Variants in RPS6KC1 observed in about 807,000 individuals in gnomAD.
RPS6KC1 encodes the protein ribosomal protein S6 kinase C1, also known as inactive ribosomal protein S6 kinase delta-1.
In RPS6KC1, 54 loss-of-function variants were observed where a neutral mutation model predicts 103.8. The ratio of observed to expected loss-of-function variants is 0.52; its 90% CI spans 0.42 to 0.65. The LOEUF is 0.65. Ranked by LOEUF, RPS6KC1 falls within the 30% of genes least tolerant of loss-of-function variation. The pLI, the probability that RPS6KC1 is intolerant of heterozygous loss-of-function variation, is 0.00. For synonymous variants in RPS6KC1, 439 were observed against 438.7 expected (o/e 1.00, Z -0.01); for missense variants, 1,151 against 1,253.8 (o/e 0.92, Z 1.24).
At chr1:213,231,339 A>T (rs74139158) in intron 9 of RPS6KC1, among the ~76,000 whole-genome samples, 1 of 152,192 alleles carries the variant, frequency 6.6e-6, no homozygotes, top group Non-Finnish European at 1.5e-5. Flanking sequence ...TTTTGATTCT[A>T]TACATAATGC....
At chr1:213,431,905 G>T in the RPS6KC1 span, among the ~76,000 whole-genome samples, 1 of 152,076 alleles carries the variant, frequency 6.6e-6, no homozygotes, top group African/African-American at 2.4e-5. Flanking sequence ...CAGAGTGGTT[G>T]TACCAGTTGA....
the RPS6KC1 span, among the ~76,000 whole-genome samples, chr1:213,449,062 G>A: frequency 5.3e-5 from 8 of 152,016 alleles, no homozygotes; most frequent in Non-Finnish European, 1.0e-4. Context: ...TCTCTGTGAG[G>A]CTTTCCTCAC....
chr1:213,588,905 G>T, the RPS6KC1 span, among the ~76,000 whole-genome samples: 38 of 152,324 alleles, frequency 2.5e-4, no homozygotes, highest in Non-Finnish European at 5.9e-5. Context: ...ACATCTCAGA[G>T]CAGGCACCCA....
the RPS6KC1 span, among the ~76,000 whole-genome samples, chr1:213,392,620 AT>A: frequency 6.6e-6 from 1 of 152,202 alleles, no homozygotes; most frequent in Non-Finnish European, 1.5e-5. Flanking sequence ...GCCACATCTT[AT>A]GCATCTTTGT....
At chr1:213,313,883 G>A in the RPS6KC1 span, among the ~76,000 whole-genome samples, 3 of 152,126 alleles carry the variant, frequency 2.0e-5, no homozygotes, top group Non-Finnish European at 4.4e-5. Flanking sequence ...AACCTGGGAG[G>A]CGGAGCTTGC....
the RPS6KC1 span, among the ~76,000 whole-genome samples, chr1:213,807,781 A>G: frequency 0.076 from 11,572 of 152,232 alleles, 1,379 homozygotes; most frequent in African/African-American, 0.26. Flanking sequence ...CATCTCATCA[A>G]AGTCATTCTC....
chr1:213,615,408 C>A, the RPS6KC1 span, among the ~76,000 whole-genome samples: 2 of 152,378 alleles, frequency 1.3e-5, no homozygotes, highest in Admixed American at 1.3e-4. Context: ...TGCCTGCAAT[C>A]TGCTACCTTT....
intron 8 of RPS6KC1, among the ~76,000 whole-genome samples, chr1:213,226,037 C>T (rs2093953154): frequency 6.6e-6 from 1 of 151,650 alleles, no homozygotes; most frequent in South Asian, 2.1e-4. Context: ...TCCTGGCTAA[C>T]ACGGTGAAAC....
the RPS6KC1 span, among the ~76,000 whole-genome samples, chr1:213,298,308 A>G: frequency 9.2e-5 from 14 of 152,254 alleles, no homozygotes; most frequent in Non-Finnish European, 1.5e-4. Context: ...CATTTAAACT[A>G]TAACTATTTT....
chr1:213,260,576 G>C (rs78272473), intron 12 of RPS6KC1, among the ~76,000 whole-genome samples: 1,590 of 151,822 alleles, frequency 0.01, 30 homozygotes, highest in African/African-American at 0.036. Flanking sequence ...TACTTTCCAA[G>C]TTCCAACCTA....
chr1:213,563,874 C>A, the RPS6KC1 span, among the ~76,000 whole-genome samples: 1 of 150,840 alleles, frequency 6.6e-6, no homozygotes, highest in Non-Finnish European at 1.5e-5. Flanking sequence ...TATAATTATT[C>A]ATACTGTAAT....
chr1:213,120,973 G>T (rs760749221), intron 5 of RPS6KC1, among the ~76,000 whole-genome samples: 1 of 152,174 alleles, frequency 6.6e-6, no homozygotes, highest in Admixed American at 6.6e-5. Context: ...TTTGTTTTGT[G>T]ATAGGGTCTC....
the RPS6KC1 span, among the ~76,000 whole-genome samples, chr1:213,299,626 A>G: frequency 6.6e-6 from 1 of 151,744 alleles, no homozygotes; most frequent in African/African-American, 2.4e-5. Context: ...CATTAAAAAT[A>G]TAAAAAGAAA....
chr1:213,653,992 C>T, the RPS6KC1 span, among the ~76,000 whole-genome samples: 1 of 152,330 alleles, frequency 6.6e-6, no homozygotes, highest in South Asian at 2.1e-4. Context: ...TTCACTGGCA[C>T]TGATTTTACA....
downstream of RPS6KC1, among the ~76,000 whole-genome samples, chr1:213,279,232 AT>A (rs1229546604): frequency 1.3e-5 from 2 of 152,302 alleles, no homozygotes; most frequent in East Asian, 3.9e-4. Context: ...TATTGCAGAA[AT>A]TCAGGCAAGA....
chr1:213,151,777 G>C (rs1187605023), intron 6 of RPS6KC1, among the ~76,000 whole-genome samples: 1 of 134,100 alleles, frequency 7.5e-6, no homozygotes, highest in Non-Finnish European at 1.6e-5. Flanking sequence ...GCCTGGCGGG[G>C]GGCTGACCCC....
the RPS6KC1 span, among the ~76,000 whole-genome samples, chr1:213,305,071 A>G: frequency 2.0e-5 from 3 of 152,048 alleles, no homozygotes; most frequent in African/African-American, 7.2e-5. Context: ...TGTCTTTGGG[A>G]AACAGTCTGA....
the RPS6KC1 span, among the ~76,000 whole-genome samples, chr1:213,455,901 G>C: frequency 1.3e-5 from 2 of 152,168 alleles, no homozygotes; most frequent in Non-Finnish European, 2.9e-5. Context: ...ACACTCCACT[G>C]CTTGAACATA....
At chr1:213,531,758 G>C in the RPS6KC1 span, among the ~76,000 whole-genome samples, 1 of 152,194 alleles carries the variant, frequency 6.6e-6, no homozygotes, top group South Asian at 2.1e-4. Context: ...CTCTGGCTTA[G>C]AGATAAGGCT....
Sources: gnomAD v4.1 joint callset for allele counts (sites outside exome capture counted in the v4.1 genomes callset) on GRCh38, gnomAD v4.1.1 for gene constraint, MANE v1.5 for transcripts, NCBI Gene and HGNC (gene_info 2026-07-23, HGNC 2026-07-21) for gene names.